The following MFAP3 variants were observed in gnomAD, a reference collection of about 807,000 sequenced individuals.
The protein encoded by MFAP3 is microfibril associated protein 3.
Under a neutral mutation model 20.5 loss-of-function variants are expected in MFAP3, and 8 were observed. The observed-to-expected ratio is 0.39, with a 90% CI of 0.23 to 0.70. The LOEUF (loss-of-function observed/expected upper bound fraction) is 0.70. MFAP3 is among the 30% of genes least tolerant of loss of function. MFAP3 has a pLI of 0.44. For missense variants in MFAP3, 398 were observed against 444.6 expected, an observed-to-expected ratio of 0.90 and a Z score of 0.94; for synonymous variants, 140 against 154.0, an observed-to-expected ratio of 0.91 and a Z score of 0.67.
At chr5:154,042,616 AG>A (rs1185366597) in intron 1 of MFAP3, among the ~76,000 whole-genome samples, 1 of 152,132 alleles carries the variant, frequency 6.6e-6, no homozygotes, top group East Asian at 1.9e-4. Context: ...TTCTTTGCAA[AG>A]GGTAGGGTAG....
chr5:154,045,360 AG>A (rs1773052241), intron 1 of MFAP3, among the ~76,000 whole-genome samples: 1 of 152,216 alleles, frequency 6.6e-6, no homozygotes, highest in Non-Finnish European at 1.5e-5. Context: ...ATCCAAGCTC[AG>A]TTTACAATGC....
chr5:154,054,000 G>T lies in MFAP3; in HGVS notation c.*287G>T, dbSNP rs529917175. 30 of 319,978 alleles carry T rather than the reference G, an allele frequency of 9.4e-5. No homozygotes were observed. In the South Asian group the frequency reaches 1.6e-3, roughly 17 times the overall value. 19.8% of individuals were successfully genotyped at this position (319,978 alleles called of 1,614,324 possible). On this transcript the variant is annotated 3_prime_UTR_variant, in exon 3 of 3. Coordinates refer to ENST00000522782, the MANE Select transcript of MFAP3 (RefSeq NM_005927.5). ...AAAAGCACTGAACTAAGAGTCCCAT[G>T]GTTTCTCTTCTGGTCACAGTTCTTC...
At chr5:154,049,391 C>T (rs1388781425) in intron 1 of MFAP3, among the ~76,000 whole-genome samples, 166 bp from the exon 2 acceptor site, 2 of 152,152 alleles carry the variant, frequency 1.3e-5, no homozygotes, top group Non-Finnish European at 2.9e-5. Flanking sequence ...CAATTCATTG[C>T]TTTTTCTGCT....
At chr5:154,039,860 C>T (rs1295975943) in intron 1 of MFAP3, among the ~76,000 whole-genome samples, 1 of 152,212 alleles carries the variant, frequency 6.6e-6, no homozygotes, top group Non-Finnish European at 1.5e-5. Flanking sequence ...TCGGAATTAT[C>T]ATCTTAATTC....
At chr5:154,041,649 C>G (rs1336140586) in intron 1 of MFAP3, among the ~76,000 whole-genome samples, 1 of 152,132 alleles carries the variant, frequency 6.6e-6, no homozygotes, top group African/African-American at 2.4e-5. Flanking sequence ...TGAGAAATCA[C>G]CAGTAGATTG....
chr5:154,040,446 A>G (rs191861196), intron 1 of MFAP3, among the ~76,000 whole-genome samples: 58 of 152,318 alleles, frequency 3.8e-4, no homozygotes, highest in African/African-American at 1.4e-3. Flanking sequence ...TACAATATCA[A>G]TCATCATGTA....
intron 1 of MFAP3, among the ~76,000 whole-genome samples, chr5:154,044,462 C>T (rs1224081265): frequency 2.6e-5 from 4 of 152,184 alleles, no homozygotes; most frequent in Admixed American, 6.5e-5. Flanking sequence ...GGGTTATATC[C>T]GTTAGTCTTT....
Position 154,049,949 on chromosome 5 carries a change from C to T in MFAP3, c.227C>T (p.Thr76Ile), listed in dbSNP as rs777755246. The T allele has an allele frequency of 1.9e-6, 3 of 1,613,602 alleles. No individual in the cohort carries two copies. Among genetic ancestry groups the T allele is most frequent in the East Asian group, 4.5e-5 (2 of 44,870 alleles). Residue 76 changes from threonine (T) to isoleucine (I), a missense_variant, in exon 2 of 3, where the codon ACA becomes ATA. Transcript: ENST00000522782. Reference protein sequence around the residue: ...GTSVSIECLLTASHYEDVHWH... With the variant: ...GTSVSIECLLIASHYEDVHWH... ...AGCGTTTCAATTGAGTGTCTTCTCA[C>T]AGCCAGTCACTATGAAGATGTCCAT...
intron 2 of MFAP3, among the ~76,000 whole-genome samples, chr5:154,052,575 CAT>C (rs1475286212): frequency 9.9e-5 from 15 of 152,104 alleles, no homozygotes; most frequent in African/African-American, 3.1e-4. Flanking sequence ...TAGACGGACA[CAT>C]ATGTATAAAC....
In MFAP3 at chr5:154,053,936, T is replaced by G. The variant is rs1291409918; in HGVS notation, c.*223T>G. The G allele has an allele frequency of 2.8e-5, 14 of 491,936 alleles. No homozygotes were observed. The highest frequency in any genetic ancestry group is 5.2e-5 in the Non-Finnish European group (14 of 269,378). 30.5% of individuals were successfully genotyped at this position (491,936 alleles called of 1,614,324 possible). A position where few individuals can be genotyped will look rare whatever the true frequency, so the allele number is the denominator to read the frequency against. On this transcript the variant is annotated 3_prime_UTR_variant, in exon 3 of 3. Transcript: ENST00000522782. ...CCTTAGAGCTTTATTAAATTATGCATGCTAAGATTTAAAGGAGCCCCAGAT... is the reference window on the plus strand; with the variant it reads ...CCTTAGAGCTTTATTAAATTATGCAGGCTAAGATTTAAAGGAGCCCCAGAT...
intron 1 of MFAP3, chr5:154,039,454 G>A (rs1772849467): frequency 6.6e-6 from 1 of 152,376 alleles, no homozygotes; most frequent in African/African-American, 2.4e-5. Context: ...ACTTAGCAAA[G>A]TCAAGGAAAA....
In MFAP3 at chr5:154,044,855, G is replaced by A. The variant is rs549103865; in HGVS notation, c.-166-4702G>A. Among the ~76,000 whole-genome samples the A allele has an allele frequency of 5.3e-5, 8 of 151,666 alleles. No individual in the cohort carries two copies. The South Asian group carries it at 6.3e-4, about 12-fold the overall frequency. On this transcript the variant is annotated intron_variant, in intron 1 of 2. Transcript: ENST00000522782. ...TTTTTTCTCCTGCCTAACCATTTCC[G>A]CATTTATTACGTGTTTGCACATTCA...
Position 154,052,878 on chromosome 5 carries a change from C to G in MFAP3, c.296-42C>G, listed in dbSNP as rs1472956363. On this transcript the variant is annotated intron_variant, in intron 2 of 2. Coordinates refer to ENST00000522782, the MANE Select transcript of MFAP3 (RefSeq NM_005927.5). ...TAAGGCAGCGGGCATATTTAGTAAT[C>G]TTTTTGCTATAATTTTTTTTTCATT... is the stretch of plus-strand genomic sequence containing the variant. The G allele has an allele frequency of 3.3e-6, 5 of 1,513,014 alleles. No individual in the cohort carries two copies. The South Asian group carries it at 6.0e-5, about 18-fold the overall frequency. 93.7% of individuals were successfully genotyped at this position (1,513,014 alleles called of 1,614,324 possible). A position where few individuals can be genotyped will look rare whatever the true frequency, so the allele number is the denominator to read the frequency against.
Position 154,053,890 on chromosome 5 carries a change from C to G in MFAP3, c.*177C>G. On this transcript the variant is annotated 3_prime_UTR_variant, in exon 3 of 3. Coordinates refer to ENST00000522782, the MANE Select transcript of MFAP3 (RefSeq NM_005927.5). ...CATTAGAAGGCAGCATTTTTCCTCTCTGATACTTTTCAGTCATTTTCCTTA... is the reference window on the plus strand; with the variant it reads ...CATTAGAAGGCAGCATTTTTCCTCTGTGATACTTTTCAGTCATTTTCCTTA... The G allele has an allele frequency of 1.7e-6, 1 of 594,630 alleles. No individual in the cohort carries two copies. The highest frequency in any genetic ancestry group is 3.0e-6 in the Non-Finnish European group (1 of 332,484). The allele number at this position is 594,630 out of a possible 1,614,324, so 36.8% of individuals were successfully genotyped here. A position where few individuals can be genotyped will look rare whatever the true frequency, so the allele number is the denominator to read the frequency against.
At chr5:154,052,857 G>T in intron 2 of MFAP3, 63 bp from the exon 3 acceptor site, 1 of 1,357,194 alleles carries the variant, frequency 7.4e-7, no homozygotes, top group Non-Finnish European at 1.0e-6. Context: ...TATGGATAAG[G>T]CAGCGGGCAT....
intron 1 of MFAP3, among the ~76,000 whole-genome samples, chr5:154,045,826 T>A (rs926390441): frequency 1.3e-5 from 2 of 152,216 alleles, no homozygotes; most frequent in African/African-American, 4.8e-5. Flanking sequence ...ACCTTCAATT[T>A]TGCTGATCTA....
chr5:154,043,744 T>A (rs547626), intron 1 of MFAP3, among the ~76,000 whole-genome samples: 1,657 of 100,494 alleles, frequency 0.016, 12 homozygotes, highest in Middle Eastern at 0.03. Flanking sequence ...ATATATATAT[T>A]TTTTTTTCCA....
chr5:154,043,081 T>A (rs1048452220), intron 1 of MFAP3, among the ~76,000 whole-genome samples: 2 of 152,194 alleles, frequency 1.3e-5, no homozygotes, highest in Admixed American at 6.5e-5. Flanking sequence ...TTCTCTTTTT[T>A]AAAAATAATA....
At chr5:154,039,766 G>A (rs1226249937) in intron 1 of MFAP3, among the ~76,000 whole-genome samples, 1 of 152,084 alleles carries the variant, frequency 6.6e-6, no homozygotes, top group East Asian at 1.9e-4. Context: ...CAATCTTATT[G>A]TACAGATAAG....
Sources: allele counts gnomAD v4.1 joint callset (sites outside exome capture counted in the v4.1 genomes callset), GRCh38; gene constraint gnomAD v4.1.1; transcripts MANE v1.5; gene names NCBI Gene and HGNC (gene_info 2026-07-23, HGNC 2026-07-21).